The following AGPAT3 variants were observed in gnomAD, a reference collection of about 807,000 sequenced individuals.
AGPAT3 encodes 1-acylglycerol-3-phosphate O-acyltransferase 3.
A neutral mutation model predicts 47.3 loss-of-function variants in AGPAT3; 5 were observed. The ratio of observed to expected loss-of-function variants is 0.11; its 90% confidence interval spans 0.06 to 0.22. The LOEUF is 0.22. AGPAT3 is among the 10% of genes least tolerant of loss of function. The probability of loss-of-function intolerance (pLI) is 1.00; values close to 1 mark genes in which losing one functional copy is unlikely to be tolerated. For missense variants in AGPAT3, 315 were observed against 493.0 expected, an observed-to-expected ratio of 0.64 and a Z score of 3.42; for synonymous variants, 212 against 208.3, an observed-to-expected ratio of 1.02 and a Z score of -0.15.
chr21:43,868,833 A>T (rs1160153758), intron 1 of AGPAT3, among the ~76,000 whole-genome samples: 1 of 152,188 alleles, frequency 6.6e-6, no homozygotes, highest in Non-Finnish European at 1.5e-5. Context: ...GTATTGCCCC[A>T]TCACACAGAA....
At chr21:43,888,523 C>T (rs563069473) in intron 1 of AGPAT3, among the ~76,000 whole-genome samples, 37 of 152,104 alleles carry the variant, frequency 2.4e-4, no homozygotes, top group Non-Finnish European at 4.9e-4. Context: ...TGCACATGTA[C>T]CCCGGAACTT....
chr21:43,870,215 A>G (rs542804364), intron 1 of AGPAT3, among the ~76,000 whole-genome samples: 17 of 152,338 alleles, frequency 1.1e-4, no homozygotes, highest in East Asian at 7.7e-4. Flanking sequence ...CAAATGCACT[A>G]CAGCGATCAG....
At chr21:43,926,410 G>A (rs948150685) in intron 2 of AGPAT3, among the ~76,000 whole-genome samples, 5 of 152,160 alleles carry the variant, frequency 3.3e-5, no homozygotes, top group Admixed American at 1.3e-4. Flanking sequence ...GAGGGCATGC[G>A]CATCTGTGTG....
Position 43,908,403 on chromosome 21 carries a change from C to T in AGPAT3, c.-49+4384C>T, listed in dbSNP as rs906704332. 3.9e-5 allele frequency among the ~76,000 whole-genome samples: 6 copies of T among 152,166 alleles called. No homozygotes were observed. The East Asian group carries it at 1.2e-3, about 29-fold the overall frequency. On this transcript the variant is annotated intron_variant, in intron 2 of 9. Coordinates refer to ENST00000291572, the MANE Select transcript of AGPAT3 (RefSeq NM_020132.5). This position sits in a 1 kb window ranked among gnomAD's most constrained non-coding sequence, Gnocchi z 4.9. ...CCCTTCTCGATCAGAAAGGAGGTGT[C>T]CCGATCAGGGGGAGCACATGGGCTG...
At chr21:43,950,304 A>G (rs115790091) in intron 2 of AGPAT3, among the ~76,000 whole-genome samples, 2,739 of 152,310 alleles carry the variant, frequency 0.018, 72 homozygotes, top group African/African-American at 0.062. Context: ...ACAGACTGAC[A>G]GTTTCACCTC....
intron 2 of AGPAT3, among the ~76,000 whole-genome samples, chr21:43,926,977 TCAAAAA>T (rs2087077032): frequency 1.1e-5 from 1 of 94,612 alleles, no homozygotes; most frequent in African/African-American, 4.7e-5. Flanking sequence ...AGACTCTGTC[TCAAAAA>T]AAAAAAAAAA....
At chr21:43,962,033 C>T (rs2088894065) in intron 3 of AGPAT3, among the ~76,000 whole-genome samples, 1 of 150,142 alleles carries the variant, frequency 6.7e-6, no homozygotes, top group African/African-American at 2.5e-5. Context: ...CTGAGTCTCG[C>T]TCTGTTGCCC....
intron 6 of AGPAT3, among the ~76,000 whole-genome samples, chr21:43,971,180 T>G (rs1241780640): frequency 6.6e-6 from 1 of 152,050 alleles, no homozygotes; most frequent in African/African-American, 2.4e-5. Flanking sequence ...AGCCACTAAA[T>G]GCCCTCACCA....
At chr21:43,973,844 G>C (rs1325481117) in intron 7 of AGPAT3, among the ~76,000 whole-genome samples, 1 of 152,228 alleles carries the variant, frequency 6.6e-6, no homozygotes, top group Non-Finnish European at 1.5e-5. Context: ...ACGGCTGCAG[G>C]GCTCTCCTGT....
rs761682010 is a variant in AGPAT3 at position 43,959,733 on chromosome 21, G to A, written c.52G>A (p.Gly18Ser). Residue 18 changes from glycine to serine, a missense_variant, in exon 3 of 10, where the codon GGC becomes AGC. Coordinates refer to ENST00000291572, the MANE Select transcript of AGPAT3 (RefSeq NM_020132.5). ...KTQFVLHLLV[G>S]FVFVVSGLVI... The stretch of plus-strand genomic sequence containing the variant: ...CCAGTTCGTGCTGCACCTGCTGGTC[G>A]GCTTTGTCTTCGTGGTGAGTGGTCT... The A allele has an allele frequency of 1.5e-5, 24 of 1,613,746 alleles. No homozygotes were observed. Among genetic ancestry groups the A allele is most frequent in the East Asian group, 8.9e-5 (4 of 44,898 alleles).
intron 1 of AGPAT3, among the ~76,000 whole-genome samples, chr21:43,889,776 A>T (rs376643594): frequency 1.1e-3 from 162 of 152,358 alleles, no homozygotes; most frequent in African/African-American, 3.8e-3. Context: ...TTAATTAAAA[A>T]ATACTTGATT....
At chr21:43,943,595 G>T (rs2087744808) in intron 2 of AGPAT3, among the ~76,000 whole-genome samples, 1 of 152,154 alleles carries the variant, frequency 6.6e-6, no homozygotes, top group Non-Finnish European at 1.5e-5. Flanking sequence ...TCAGCTTTCG[G>T]CCATTCCTGC....
chr21:43,934,851 TGCC>T lies in AGPAT3; in HGVS notation c.-48-24782_-48-24780del, dbSNP rs2087380669. ...CCTCACGTCACCGACGCCACTCACA[TGCC>T]ACTCACATGCCATTGACACGCCACC... On this transcript the variant is annotated intron_variant, in intron 2 of 9. Coordinates refer to ENST00000291572, the MANE Select transcript of AGPAT3 (RefSeq NM_020132.5). The surrounding 1 kb of genome is among the most constrained non-coding windows in gnomAD (Gnocchi z 4.7). Among the ~76,000 whole-genome samples, 1 of 139,588 alleles carries T rather than the reference TGCC, an allele frequency of 7.2e-6. No individual in the cohort carries two copies. Among genetic ancestry groups the T allele is most frequent in the African/African-American group, 2.8e-5 (1 of 36,248 alleles). The allele number at this position is 139,588 out of a possible 152,430, so 91.6% of individuals were successfully genotyped here.
At position 43,978,074 on chromosome 21, in the gene AGPAT3, G is replaced by C. The variant is rs917477491; in HGVS notation, c.796G>C (p.Asp266His). The change falls in exon 8 of 10, where the codon GAT (aspartate) becomes CAT (histidine). Residue 266 changes from aspartate (D) to histidine (H), a missense_variant. By Grantham distance (81) the Asp-to-His change is moderately conservative (BLOSUM62 -1). Coordinates refer to ENST00000291572, the MANE Select transcript of AGPAT3 (RefSeq NM_020132.5). ...ATTTCCTCTGGAAGACATCCCGCTG[G>C]ATGAAAAGGAAGCAGCTCAGTGGCT... ...RRFPLEDIPL[D>H]EKEAAQWLHK... The C allele has an allele frequency of 1.9e-6, 3 of 1,613,560 alleles. No individual in the cohort carries two copies. Among genetic ancestry groups the C allele is most frequent in the Non-Finnish European group, 1.7e-6 (2 of 1,179,926 alleles).
At chr21:43,907,730 A>G (rs2086536595) in intron 2 of AGPAT3, among the ~76,000 whole-genome samples, 1 of 152,042 alleles carries the variant, frequency 6.6e-6, no homozygotes. Context: ...AACAACAACA[A>G]CAAAAAAACC....
chr21:43,950,339 G>A (rs1029590735), intron 2 of AGPAT3, among the ~76,000 whole-genome samples: 2 of 152,182 alleles, frequency 1.3e-5, no homozygotes, highest in African/African-American at 2.4e-5. Flanking sequence ...TTAGTCTCCT[G>A]CTAATTCCAA....
At chr21:43,927,124 C>T (rs1344417654) in intron 2 of AGPAT3, among the ~76,000 whole-genome samples, 3 of 151,992 alleles carry the variant, frequency 2.0e-5, no homozygotes, top group African/African-American at 7.3e-5. Context: ...GAACAGTGGT[C>T]AGTCCTGGGG....
intron 2 of AGPAT3, among the ~76,000 whole-genome samples, chr21:43,931,375 T>C (rs1376668838): frequency 6.6e-6 from 1 of 152,202 alleles, no homozygotes; most frequent in African/African-American, 2.4e-5. Flanking sequence ...AAACACTCTA[T>C]TTTATGTTGT....
At chr21:43,866,805 C>G (rs1199594792) in intron 1 of AGPAT3, 5 of 152,344 alleles carry the variant, frequency 3.3e-5, no homozygotes, top group Non-Finnish European at 7.3e-5. Context: ...GAGTGGCCGC[C>G]CTCTGTGGTC....
Sources: allele counts gnomAD v4.1 joint callset (sites outside exome capture counted in the v4.1 genomes callset), GRCh38; gene constraint gnomAD v4.1.1; non-coding constraint Gnocchi (gnomAD v3.1); transcripts MANE v1.5; gene names NCBI Gene and HGNC (gene_info 2026-07-23, HGNC 2026-07-21).